Variants in WWOX observed in about 807,000 individuals in gnomAD.
WWOX encodes the protein WW domain containing oxidoreductase.
A neutral mutation model predicts 46.2 loss-of-function variants in WWOX; 69 were observed. That is an observed-to-expected ratio of 1.49 (90% CI 1.23 to 1.82). WWOX has a LOEUF of 1.82. WWOX is among the 40% of genes most tolerant of loss of function. WWOX has a pLI of 0.00. For missense variants in WWOX, 919 were observed against 542.6 expected, an observed-to-expected ratio of 1.69 and a Z score of -6.89; for synonymous variants, 359 against 202.6, an observed-to-expected ratio of 1.77 and a Z score of -6.56.
intron 8 of WWOX, among the ~76,000 whole-genome samples, chr16:78,950,313 T>G (rs2046033024): frequency 6.6e-6 from 1 of 152,276 alleles, no homozygotes; most frequent in South Asian, 2.1e-4. Context: ...CGATGGTTAT[T>G]TCCTTGAGGA....
chr16:78,122,777 G>A (rs570314277), intron 4 of WWOX, among the ~76,000 whole-genome samples: 35 of 151,970 alleles, frequency 2.3e-4, no homozygotes, highest in Admixed American at 1.8e-3. Flanking sequence ...GCTAATTTTT[G>A]TATTTTTCGT....
Position 78,523,466 on chromosome 16 carries a change from G to A in WWOX, c.1056+90714G>A, listed in dbSNP as rs535819785. 1.8e-4 allele frequency among the ~76,000 whole-genome samples: 27 copies of A among 152,292 alleles called. No homozygotes were observed. In the South Asian group the frequency reaches 5.6e-3, roughly 32 times the overall value. On this transcript the variant is annotated intron_variant, in intron 8 of 8. Coordinates refer to ENST00000566780, the MANE Select transcript of WWOX (RefSeq NM_016373.4). ...AATCATAAATGTTTGGGGAGCTGAA[G>A]GTCACGGGCTTAGTAGCAATTCTAG...
At chr16:79,170,884 C>A (rs561898789) in intron 8 of WWOX, among the ~76,000 whole-genome samples, 43 of 152,248 alleles carry the variant, frequency 2.8e-4, no homozygotes, top group African/African-American at 1.0e-3. Context: ...GCCAAACCTT[C>A]GTGGATTCCT....
At chr16:79,211,560 C>T (rs1430748758) in intron 8 of WWOX, 48 bp from the exon 9 acceptor site, 3 of 1,612,750 alleles carry the variant, frequency 1.9e-6, no homozygotes, top group Non-Finnish European at 1.7e-6. Flanking sequence ...GCCATCTCAT[C>T]ACTCCTTTTC....
chr16:78,556,512 A>G (rs139552569), intron 8 of WWOX, among the ~76,000 whole-genome samples: 13 of 152,270 alleles, frequency 8.5e-5, no homozygotes, highest in African/African-American at 2.4e-5. Flanking sequence ...CTTAACTACA[A>G]TTAGAGTACA....
chr16:78,866,746 T>G lies in WWOX; in HGVS notation c.1057-344862T>G, dbSNP rs369930868. On this transcript the variant is annotated intron_variant, in intron 8 of 8. Transcript: ENST00000566780. ...GGCAATAAACCAGGAATGCACTGTT[T>G]CCAGCCACGGGCTATCCAGGGAATT... is the stretch of plus-strand genomic sequence containing the variant. Among the ~76,000 whole-genome samples, 10 of 152,286 alleles carry G rather than the reference T, an allele frequency of 6.6e-5. No homozygotes were observed. The East Asian group carries it at 7.7e-4, about 12-fold the overall frequency.
chr16:78,592,111 G>A (rs1479646763), intron 8 of WWOX, among the ~76,000 whole-genome samples: 8 of 152,146 alleles, frequency 5.3e-5, no homozygotes, highest in Admixed American at 1.3e-4. Context: ...TATCCATTTC[G>A]TATTACAATA....
At chr16:78,434,988 A>C (rs1054881037) in intron 8 of WWOX, among the ~76,000 whole-genome samples, 3 of 152,196 alleles carry the variant, frequency 2.0e-5, no homozygotes, top group Non-Finnish European at 4.4e-5. Flanking sequence ...TCTAATATTT[A>C]ATATAATATG....
chr16:78,732,395 C>T (rs1490304545), intron 8 of WWOX, among the ~76,000 whole-genome samples: 1 of 152,114 alleles, frequency 6.6e-6, no homozygotes, highest in East Asian at 1.9e-4. Context: ...ATTGAGGCCG[C>T]CAGTCATAGT....
intron 8 of WWOX, among the ~76,000 whole-genome samples, chr16:78,727,174 A>C (rs1252169994): frequency 1.3e-5 from 2 of 152,296 alleles, no homozygotes; most frequent in South Asian, 4.2e-4. Context: ...CAAGGTGGGC[A>C]GATCACTTGA....
chr16:78,546,526 T>A (rs1490028561), intron 8 of WWOX, among the ~76,000 whole-genome samples: 1 of 152,202 alleles, frequency 6.6e-6, no homozygotes, highest in Non-Finnish European at 1.5e-5. Context: ...AAGAAAAGAT[T>A]ATTTACGATT....
intron 6 of WWOX, among the ~76,000 whole-genome samples, chr16:78,420,654 T>G (rs866989746): frequency 1.4e-4 from 17 of 120,512 alleles, no homozygotes; most frequent in African/African-American, 3.8e-4. Context: ...ATTGCTAATT[T>G]TTTTTTTTTT....
intron 8 of WWOX, among the ~76,000 whole-genome samples, chr16:78,944,439 G>C (rs1338592361): frequency 6.6e-6 from 1 of 152,036 alleles, no homozygotes; most frequent in African/African-American, 2.4e-5. Flanking sequence ...AGGTGATGGG[G>C]GCAAATATCA....
chr16:78,717,082 A>G (rs1014668017), intron 8 of WWOX, among the ~76,000 whole-genome samples: 2 of 152,202 alleles, frequency 1.3e-5, no homozygotes, highest in African/African-American at 4.8e-5. Context: ...GCTTCATCAC[A>G]TGGTGATGAC....
chr16:79,049,138 T>C (rs1440339983), intron 8 of WWOX, among the ~76,000 whole-genome samples: 4 of 152,224 alleles, frequency 2.6e-5, no homozygotes, highest in Admixed American at 2.6e-4. Flanking sequence ...TATTTTAGAC[T>C]TTGTGACCCA....
chr16:78,591,392 G>C (rs1230685957), intron 8 of WWOX, among the ~76,000 whole-genome samples: 2 of 152,074 alleles, frequency 1.3e-5, no homozygotes, highest in African/African-American at 4.8e-5. Flanking sequence ...AAGAGTAACA[G>C]CCCAGTACAC....
intron 8 of WWOX, among the ~76,000 whole-genome samples, chr16:78,940,834 C>T (rs756729702): frequency 4.6e-5 from 7 of 151,892 alleles, no homozygotes; most frequent in Admixed American, 1.3e-4. Context: ...AGGTTGATCC[C>T]GGTGTAATGT....
intron 8 of WWOX, among the ~76,000 whole-genome samples, chr16:79,157,873 C>T (rs1052697362): frequency 4.6e-5 from 7 of 152,170 alleles, no homozygotes; most frequent in Non-Finnish European, 1.5e-5. Flanking sequence ...TGAGTAAGTT[C>T]AGCAGGCTCT....
intron 8 of WWOX, among the ~76,000 whole-genome samples, chr16:78,786,270 C>T (rs1250173571): frequency 2.6e-5 from 4 of 152,194 alleles, no homozygotes; most frequent in Non-Finnish European, 4.4e-5. Flanking sequence ...CAATAAATGA[C>T]ACCTGGATTT....
Sources: gnomAD v4.1 joint callset for allele counts (sites outside exome capture counted in the v4.1 genomes callset) on GRCh38, gnomAD v4.1.1 for gene constraint, MANE v1.5 for transcripts, NCBI Gene and HGNC (gene_info 2026-07-23, HGNC 2026-07-21) for gene names.